Variants in CHCHD6 observed in about 807,000 individuals in gnomAD.
CHCHD6 encodes the protein MICOS complex subunit MIC25.
In CHCHD6, 28 loss-of-function variants were observed where a neutral mutation model predicts 32.3. The ratio of observed to expected loss-of-function variants is 0.87; its 90% CI spans 0.64 to 1.19. CHCHD6 has a LOEUF of 1.19. CHCHD6 is among the 50% of genes most tolerant of loss of function. The pLI is 0.00. For synonymous variants in CHCHD6, 122 were observed against 117.5 expected (o/e 1.04, Z -0.25); for missense variants, 333 against 307.0 (o/e 1.08, Z -0.63).
chr3:126,813,475 G>A (rs923207343), intron 4 of CHCHD6, among the ~76,000 whole-genome samples: 2 of 152,196 alleles, frequency 1.3e-5, no homozygotes, highest in Admixed American at 6.5e-5. Flanking sequence ...TGTAGTGAGA[G>A]GAAGGACAGA....
intron 4 of CHCHD6, among the ~76,000 whole-genome samples, chr3:126,836,024 C>A (rs1459556091): frequency 6.6e-6 from 1 of 152,206 alleles, no homozygotes; most frequent in Non-Finnish European, 1.5e-5. Context: ...ATCAGTCTGT[C>A]CTCTTGGGCA....
intron 4 of CHCHD6, among the ~76,000 whole-genome samples, chr3:126,830,862 C>T (rs1013592561): frequency 6.6e-5 from 10 of 152,148 alleles, no homozygotes; most frequent in African/African-American, 2.4e-4. Flanking sequence ...TGTTGGCTCA[C>T]CTGCCTTTTC....
rs779766981 is a variant in CHCHD6 at position 126,704,363 on chromosome 3, CGAG to C, written c.58_60del (p.Glu20del). On this transcript the variant is annotated inframe_deletion, in exon 1 of 8. Transcript: ENST00000290913. The stretch of plus-strand genomic sequence containing the variant: ...GCCGCAGGGTGTCCTTCGGAGTGGA[CGAG>C]GAGGAGCGGGTCCGGGTGCTGCAGG... The C allele has an allele frequency of 1.9e-6, 3 of 1,585,830 alleles. No individual in the cohort carries two copies. The Admixed American group carries it at 5.4e-5, about 28-fold the overall frequency.
intron 4 of CHCHD6, among the ~76,000 whole-genome samples, chr3:126,843,661 A>T (rs1402672069): frequency 6.6e-6 from 1 of 152,184 alleles, no homozygotes; most frequent in Non-Finnish European, 1.5e-5. Context: ...TTCTGAACAC[A>T]TCTGGGAATT....
At chr3:126,867,771 T>C (rs1559892809) in intron 5 of CHCHD6, among the ~76,000 whole-genome samples, 1 of 152,208 alleles carries the variant, frequency 6.6e-6, no homozygotes, top group African/African-American at 2.4e-5. Context: ...GCCCACATCA[T>C]TGAGCTAATG....
At position 126,730,586 on chromosome 3, in the gene CHCHD6, C is replaced by T; in HGVS notation, c.222C>T (p.Ser74=). ...AATCCACACTGCCCAGGTCGGGGAG[C>T]AGTGGTGGCCAGCAGCCCTCAGGGA... ...HKESTLPRSG[S]SGGQQPSGMK... is the part of the protein sequence containing the mutation. Residue 74 remains serine, a synonymous_variant, in exon 3 of 8, where the codon AGC becomes AGT. Coordinates refer to ENST00000290913, the MANE Select transcript of CHCHD6 (RefSeq NM_032343.3). The T allele has an allele frequency of 1.2e-6, 2 of 1,613,812 alleles. No homozygotes were observed. Among genetic ancestry groups the T allele is most frequent in the East Asian group, 2.2e-5 (1 of 44,860 alleles).
intron 5 of CHCHD6, among the ~76,000 whole-genome samples, chr3:126,904,944 A>G (rs1389381210): frequency 6.6e-6 from 1 of 152,162 alleles, no homozygotes; most frequent in African/African-American, 2.4e-5. Flanking sequence ...GAGGGAAGGA[A>G]CTTGAGCTAG....
intron 4 of CHCHD6, chr3:126,767,058 C>G (rs1937401117): frequency 2.0e-6 from 2 of 985,770 alleles, no homozygotes; most frequent in African/African-American, 3.2e-5. Context: ...CAATGGGGAA[C>G]CAGTCTGTAG....
intron 5 of CHCHD6, among the ~76,000 whole-genome samples, chr3:126,893,465 T>A (rs915416121): frequency 6.6e-6 from 1 of 152,216 alleles, no homozygotes; most frequent in Non-Finnish European, 1.5e-5. Context: ...CCTCCTTGAA[T>A]GAGGTCAAGA....
rs1016853173 is a variant in CHCHD6, at chr3:126,893,117, C to T, written c.496-21563C>T. Among the ~76,000 whole-genome samples, 7 of 152,060 alleles carry T rather than the reference C, an allele frequency of 4.6e-5. No individual in the cohort carries two copies. In the East Asian group the frequency reaches 5.8e-4, roughly 13 times the overall value. On this transcript the variant is annotated intron_variant, in intron 5 of 7. Transcript: ENST00000290913. ...CCAAGTAGCTGGGATTACAGGGACC[C>T]GCCATTATGCACAGCTAATTTTGTA...
In CHCHD6 at chr3:126,892,782, G is replaced by A. The variant is rs2077782700; in HGVS notation, c.496-21898G>A. 2.0e-5 allele frequency among the ~76,000 whole-genome samples: 3 copies of A among 152,122 alleles called. No homozygotes were observed. In the South Asian group the frequency reaches 6.2e-4, roughly 31 times the overall value. On this transcript the variant is annotated intron_variant, in intron 5 of 7. Coordinates refer to ENST00000290913, the MANE Select transcript of CHCHD6 (RefSeq NM_032343.3). The stretch of plus-strand genomic sequence containing the variant: ...GCCTAAAAGCAAACGCAGCTCCTCC[G>A]CTGTAACACAGCGCACCCATGCCTT...
At chr3:126,760,699 A>G (rs1937128508) in intron 4 of CHCHD6, among the ~76,000 whole-genome samples, 1 of 152,266 alleles carries the variant, frequency 6.6e-6, no homozygotes, top group Admixed American at 6.5e-5. Flanking sequence ...GCTAAACAAT[A>G]GTCCATTGTA....
At chr3:126,776,041 A>G (rs907272282) in intron 4 of CHCHD6, among the ~76,000 whole-genome samples, 1 of 152,196 alleles carries the variant, frequency 6.6e-6, no homozygotes, top group African/African-American at 2.4e-5. Context: ...GAAGTGGAAG[A>G]ATATGATGAT....
intron 4 of CHCHD6, among the ~76,000 whole-genome samples, chr3:126,825,765 C>T (rs1204662825): frequency 6.6e-6 from 1 of 152,126 alleles, no homozygotes; most frequent in African/African-American, 2.4e-5. Flanking sequence ...TTTTCACCTT[C>T]TCACGCTCTT....
chr3:126,787,082 A>G (rs1363537136), intron 4 of CHCHD6, among the ~76,000 whole-genome samples: 3 of 152,230 alleles, frequency 2.0e-5, no homozygotes, highest in Non-Finnish European at 1.5e-5. Context: ...TAAATAGGGA[A>G]TCCTTTCCCC....
chr3:126,709,639 C>T (rs1231109140), intron 1 of CHCHD6, among the ~76,000 whole-genome samples: 3 of 152,178 alleles, frequency 2.0e-5, no homozygotes, highest in Non-Finnish European at 2.9e-5. Context: ...ATTCCAATTT[C>T]TTCATATCTT....
chr3:126,828,758 GA>G (rs1459990527), intron 4 of CHCHD6, among the ~76,000 whole-genome samples: 1 of 152,178 alleles, frequency 6.6e-6, no homozygotes, highest in Non-Finnish European at 1.5e-5. Context: ...CCTTTCAGGA[GA>G]GGCCCTCCTC....
At chr3:126,718,191 T>G (rs1424216971) in intron 1 of CHCHD6, among the ~76,000 whole-genome samples, 2 of 152,210 alleles carry the variant, frequency 1.3e-5, no homozygotes, top group Admixed American at 6.5e-5. Context: ...GGAGAGCACT[T>G]AGAACAGTGC....
In CHCHD6 at chr3:126,817,263, A is replaced by G. The variant is rs551155313; in HGVS notation, c.412-35384A>G. Among the ~76,000 whole-genome samples, 3 of 151,862 alleles carry G rather than the reference A, an allele frequency of 2.0e-5. No individual in the cohort carries two copies. The South Asian group carries it at 6.3e-4, about 32-fold the overall frequency. On this transcript the variant is annotated intron_variant, in intron 4 of 7. Coordinates refer to ENST00000290913, the MANE Select transcript of CHCHD6 (RefSeq NM_032343.3). Reference sequence around the variant, plus strand: ...GCTAGAAGCCAGCAGATCCTTGTAGAAAGGAGGAGTGCAGTTTTGTTGTTT... The same window carrying G: ...GCTAGAAGCCAGCAGATCCTTGTAGGAAGGAGGAGTGCAGTTTTGTTGTTT...
Sources: allele counts gnomAD v4.1 joint callset (sites outside exome capture counted in the v4.1 genomes callset), GRCh38; gene constraint gnomAD v4.1.1; transcripts MANE v1.5; gene names NCBI Gene and HGNC (gene_info 2026-07-23, HGNC 2026-07-21).